The following TSPAN4 variants were observed in gnomAD, a reference collection of about 807,000 sequenced individuals.
The protein encoded by TSPAN4 is tetraspanin-4.
Under a neutral mutation model 31.5 loss-of-function variants are expected in TSPAN4, and 38 were observed. The observed-to-expected ratio is 1.21, with a 90% CI of 0.93 to 1.58. The LOEUF is 1.58. TSPAN4 is among the 40% of genes most tolerant of loss of function. TSPAN4 has a pLI of 0.00. For synonymous variants in TSPAN4, 186 were observed against 144.6 expected (o/e 1.29, Z -2.06); for missense variants, 330 against 317.3 (o/e 1.04, Z -0.30).
At chr11:849,064 G>A (rs761031158) in intron 2 of TSPAN4, 17 of 581,800 alleles carry the variant, frequency 2.9e-5, no homozygotes, top group Non-Finnish European at 5.3e-5. Flanking sequence ...GAACAGCAGA[G>A]CATCAAGCCA....
At chr11:849,445 C>G (rs936537056) in intron 2 of TSPAN4, among the ~76,000 whole-genome samples, 1 of 152,046 alleles carries the variant, frequency 6.6e-6, no homozygotes, top group Non-Finnish European at 1.5e-5. Context: ...CTTTGAGTAT[C>G]GTTCTCGTGG....
chr11:856,870 G>A (rs1433764953), intron 3 of TSPAN4: 1 of 152,284 alleles, frequency 6.6e-6, no homozygotes, highest in Non-Finnish European at 1.5e-5. Context: ...TGCATATGCA[G>A]AAACACTTTC....
In TSPAN4 at chr11:864,337, A is replaced by C. The variant is rs551730795; in HGVS notation, c.256-100A>C. ...GGCCTGGCAGAGGTTTCCTGGCAGCACCAGGTATCCATGAGGTACGTGGCC... is the reference window on the plus strand; with the variant it reads ...GGCCTGGCAGAGGTTTCCTGGCAGCCCCAGGTATCCATGAGGTACGTGGCC... On this transcript the variant is annotated intron_variant, in intron 4 of 8. Transcript: ENST00000397397. The C allele has an allele frequency of 2.8e-5, 40 of 1,442,656 alleles. No individual in the cohort carries two copies. In the African/African-American group the frequency reaches 5.3e-4, roughly 19 times the overall value. The allele number at this position is 1,442,656 out of a possible 1,614,324, so 89.4% of individuals were successfully genotyped here.
At chr11:866,496 A>G in intron 8 of TSPAN4, 66 bp from the exon 9 acceptor site, 2 of 1,494,616 alleles carry the variant, frequency 1.3e-6, no homozygotes, top group Non-Finnish European at 9.2e-7. Context: ...GAGGACAGGG[A>G]CTGCTCTGGG....
At chr11:862,290 C>T in intron 3 of TSPAN4, 1 of 528,652 alleles carries the variant, frequency 1.9e-6, no homozygotes, top group Non-Finnish European at 3.3e-6. Flanking sequence ...GGGAGTGGTT[C>T]AGAGGCACAA....
intron 4 of TSPAN4, chr11:863,514 A>C (rs1384847631): frequency 2.0e-5 from 3 of 152,262 alleles, no homozygotes; most frequent in African/African-American, 7.2e-5. Context: ...CCCTGGCATC[A>C]GGTTGGGGCC....
chr11:857,710 G>C (rs1848143829), intron 3 of TSPAN4: 2 of 152,226 alleles, frequency 1.3e-5, no homozygotes, highest in African/African-American at 4.8e-5. Context: ...GCCCCAGTTT[G>C]GGTTTTAAAT....
chr11:867,004 G>A lies in TSPAN4; in HGVS notation c.*374G>A. ...GGAGCCGGGTCTTGGCATCCTGGAGGTGGCCCCACTGGTCCTGGTGCTCCA... is the reference window on the plus strand; with the variant it reads ...GGAGCCGGGTCTTGGCATCCTGGAGATGGCCCCACTGGTCCTGGTGCTCCA... On this transcript the variant is annotated 3_prime_UTR_variant, in exon 9 of 9. Coordinates refer to ENST00000397397, the MANE Select transcript of TSPAN4 (RefSeq NM_003271.5). 5.0e-6 allele frequency: 1 copy of A among 199,540 alleles called. No homozygotes were observed. Among genetic ancestry groups the A allele is most frequent in the Non-Finnish European group, 1.0e-5 (1 of 97,998 alleles). The allele number at this position is 199,540 out of a possible 1,614,324, so 12.4% of individuals were successfully genotyped here.
In TSPAN4 at chr11:865,560, C is replaced by G; in HGVS notation, c.378C>G (p.Tyr126Ter). 6.2e-7 allele frequency: 1 copy of G among 1,612,614 alleles called. No homozygotes were observed. Among genetic ancestry groups the G allele is most frequent in the South Asian group, 1.1e-5 (1 of 91,070 alleles). The change falls in exon 6 of 9, where the codon TAC (tyrosine) becomes TAG (stop). Residue 126 changes from tyrosine to a stop codon, truncating the protein, a stop_gained. Coordinates refer to ENST00000397397, the MANE Select transcript of TSPAN4 (RefSeq NM_003271.5). LOFTEE classifies it high-confidence loss of function. ...QQDLKKGLHL[Y>*]GTQGNVGLTN... Reference sequence around the variant, plus strand: ...ACCTGAAGAAAGGCTTGCACCTGTACGGCACGCAGGGCAACGTGGGCCTCA... The same window carrying G: ...ACCTGAAGAAAGGCTTGCACCTGTAGGGCACGCAGGGCAACGTGGGCCTCA...
At chr11:854,662 G>A (rs940689373) in intron 3 of TSPAN4, among the ~76,000 whole-genome samples, 1 of 152,208 alleles carries the variant, frequency 6.6e-6, no homozygotes. Context: ...CCCACTCTCT[G>A]TTGTTCCAAA....
chr11:850,023 G>T (rs1340748732), intron 2 of TSPAN4: 2 of 113,196 alleles, frequency 1.8e-5, no homozygotes, highest in Non-Finnish European at 3.8e-5. Context: ...GGCACACCCG[G>T]GCGCGATGCG....
intron 3 of TSPAN4, among the ~76,000 whole-genome samples, chr11:854,107 G>T (rs1472200968): frequency 6.6e-6 from 1 of 152,210 alleles, no homozygotes; most frequent in East Asian, 1.9e-4. Context: ...AGAGGACGGG[G>T]CCTGCTCTTC....
rs1292819059 is a variant in TSPAN4, at chr11:862,589, G to C, written c.103G>C (p.Ala35Pro). 6.2e-7 allele frequency: 1 copy of C among 1,611,970 alleles called. No homozygotes were observed. The highest frequency in any genetic ancestry group is 1.1e-5 in the South Asian group (1 of 90,974). ...CGTGCTGGGTGTCGGCATCTGGCTG[G>C]CCGCCACACAGGGGAGCTTCGCCAC... ...CGVLGVGIWL[A>P]ATQGSFATLS... is the part of the protein sequence containing the mutation. Residue 35 changes from alanine (A) to proline (P), a missense_variant, in exon 4 of 9, where the codon GCC (alanine) becomes CCC (proline). By Grantham distance (27) the Ala-to-Pro change is conservative. Coordinates refer to ENST00000397397, the MANE Select transcript of TSPAN4 (RefSeq NM_003271.5).
intron 1 of TSPAN4, chr11:843,307 C>G (rs1018671582): frequency 3.5e-4 from 53 of 152,428 alleles, no homozygotes; most frequent in African/African-American, 1.2e-3. Flanking sequence ...GTTCTTTCCG[C>G]TCTTTCCCGG....
At position 866,066 on chromosome 11, in the gene TSPAN4, C is replaced by G; in HGVS notation, c.648+65C>G. On this transcript the variant is annotated intron_variant, in intron 8 of 8. Coordinates refer to ENST00000397397, the MANE Select transcript of TSPAN4 (RefSeq NM_003271.5). ...GTTAGGACCTTCTGAGCCCAGGGAA[C>G]AAAGTAGCAAAGACCTTGCCCCCAG... 1.1e-5 allele frequency: 17 copies of G among 1,543,552 alleles called. No homozygotes were observed. The South Asian group carries it at 1.5e-4, about 13-fold the overall frequency.
rs761592545 is a variant in TSPAN4, at chr11:865,581, C to T, written c.399C>T (p.Gly133=). ...TGTACGGCACGCAGGGCAACGTGGG[C>T]CTCACCAACGCCTGGAGCATCATCC... ...LHLYGTQGNV[G]LTNAWSIIQT... The change falls in exon 6 of 9, where the codon GGC becomes GGT. Residue 133 remains glycine, a synonymous_variant. Coordinates refer to ENST00000397397, the MANE Select transcript of TSPAN4 (RefSeq NM_003271.5). 2.9e-5 allele frequency: 47 copies of T among 1,612,718 alleles called. No homozygotes were observed. The highest frequency in any genetic ancestry group is 3.8e-5 in the Non-Finnish European group (45 of 1,179,912).
intron 3 of TSPAN4, among the ~76,000 whole-genome samples, chr11:860,729 C>T (rs76845335): frequency 2.0e-5 from 3 of 152,136 alleles, no homozygotes; most frequent in South Asian, 2.1e-4. Context: ...GGTAGTCCCC[C>T]GGGAACCCCC....
chr11:854,202 C>T (rs987396475), intron 3 of TSPAN4, among the ~76,000 whole-genome samples: 1 of 152,214 alleles, frequency 6.6e-6, no homozygotes, highest in Non-Finnish European at 1.5e-5. Flanking sequence ...GGCCTCGGCT[C>T]CTTCCAGACG....
chr11:866,516 T>C, intron 8 of TSPAN4, 46 bp from the exon 9 acceptor site: 1 of 1,587,044 alleles, frequency 6.3e-7, no homozygotes, highest in Non-Finnish European at 8.6e-7. Context: ...GCTTGAGGCC[T>C]GAGCCTGTGG....
Sources: gnomAD v4.1 joint callset for allele counts (sites outside exome capture counted in the v4.1 genomes callset) on GRCh38, gnomAD v4.1.1 for gene constraint, MANE v1.5 for transcripts, NCBI Gene and HGNC (gene_info 2026-07-23, HGNC 2026-07-21) for gene names.